Variants in B3GAT1 observed in about 807,000 individuals in gnomAD.
B3GAT1 encodes the protein galactosylgalactosylxylosylprotein 3-beta-glucuronosyltransferase 1.
Under a neutral mutation model 28.4 loss-of-function variants are expected in B3GAT1, and 11 were observed. The observed-to-expected ratio is 0.39, with a 90% CI of 0.24 to 0.64. The LOEUF (loss-of-function observed/expected upper bound fraction) is 0.64, where lower values mean the gene tolerates loss of function less well. Among genes scored for constraint, B3GAT1 ranks in the 30% least tolerant of loss-of-function variants. B3GAT1 has a pLI of 0.50. For missense variants in B3GAT1, 375 were observed against 491.0 expected, an observed-to-expected ratio of 0.76 and a Z score of 2.23; for synonymous variants, 255 against 223.1, an observed-to-expected ratio of 1.14 and a Z score of -1.27.
At chr11:134,402,557 G>A (rs7945585) in intron 1 of B3GAT1, among the ~76,000 whole-genome samples, 23,678 of 151,990 alleles carry the variant, frequency 0.16, 2,114 homozygotes, top group African/African-American at 0.25. Flanking sequence ...TGCCCCTAAG[G>A]TCCCTCCCTC....
chr11:134,401,291 G>C (rs937547947), intron 1 of B3GAT1, among the ~76,000 whole-genome samples: 1 of 152,158 alleles, frequency 6.6e-6, no homozygotes, highest in African/African-American at 2.4e-5. Context: ...CATGTTTATC[G>C]CAGCACTATT....
At chr11:134,406,009 CT>C (rs1344769746) in intron 1 of B3GAT1, among the ~76,000 whole-genome samples, 2 of 152,246 alleles carry the variant, frequency 1.3e-5, no homozygotes, top group Non-Finnish European at 2.9e-5. Flanking sequence ...TCATGCAGCC[CT>C]GTCCCTCCTG....
intron 1 of B3GAT1, chr11:134,388,278 C>T (rs536707664): frequency 4.5e-6 from 1 of 222,674 alleles, no homozygotes; most frequent in African/African-American, 2.2e-5. Context: ...CCACAGTTTT[C>T]CCATCTATAA....
intron 5 of B3GAT1, among the ~76,000 whole-genome samples, chr11:134,381,103 G>A (rs973133177): frequency 2.6e-5 from 4 of 152,170 alleles, no homozygotes; most frequent in Non-Finnish European, 4.4e-5. Flanking sequence ...AGGGAGTCAG[G>A]AGTACCAGCT....
At chr11:134,396,295 T>A (rs940613884) in intron 1 of B3GAT1, among the ~76,000 whole-genome samples, 3 of 151,994 alleles carry the variant, frequency 2.0e-5, no homozygotes, top group African/African-American at 7.2e-5. Flanking sequence ...CCAAGGCAGA[T>A]GGGCCATGTC....
intron 5 of B3GAT1, among the ~76,000 whole-genome samples, chr11:134,380,953 A>G (rs766370715): frequency 6.6e-6 from 1 of 152,168 alleles, no homozygotes; most frequent in Non-Finnish European, 1.5e-5. Context: ...ATGCATTCTA[A>G]GTGGCGCTGG....
At chr11:134,403,985 A>C (rs1332175115) in intron 1 of B3GAT1, among the ~76,000 whole-genome samples, 1 of 16,600 alleles carries the variant, frequency 6.0e-5, no homozygotes, top group Non-Finnish European at 1.4e-4. Flanking sequence ...TTCTTTCTTT[A>C]TATATATATA....
In B3GAT1 at chr11:134,383,668, GC is replaced by G. The variant is rs756993387; in HGVS notation, c.621+11del. On this transcript the variant is annotated intron_variant, in intron 3 of 5. Transcript: ENST00000312527. ...CGGAGGTCCCGCTGCTCACTGTCGG[GC>G]CCTCCCTCACCTCTTCGAAGAGCTC... 9 of 1,545,652 alleles carry G rather than the reference GC, an allele frequency of 5.8e-6. No individual in the cohort carries two copies. In the East Asian group the frequency reaches 1.6e-4, roughly 28 times the overall value.
At position 134,393,647 on chromosome 11, in the gene B3GAT1, G is replaced by A. The variant is rs1195155310; in HGVS notation, c.-281-5707C>T. Among the ~76,000 whole-genome samples the A allele has an allele frequency of 1.3e-5, 2 of 152,220 alleles. No individual in the cohort carries two copies. The highest frequency in any genetic ancestry group is 2.9e-5 in the Non-Finnish European group (2 of 68,044). On this transcript the variant is annotated intron_variant, in intron 1 of 5. Coordinates refer to ENST00000312527, the MANE Select transcript of B3GAT1 (RefSeq NM_054025.3). This position sits in a 1 kb window ranked among gnomAD's most constrained non-coding sequence, Gnocchi z 4.0. ...AACACGCTATTTCAACAGTTTACAT[G>A]ACATTCTGTGATGACAGTAGCAAGC...
intron 2 of B3GAT1, chr11:134,387,112 C>G (rs1565451558): frequency 5.2e-6 from 1 of 192,176 alleles, no homozygotes; most frequent in Admixed American, 5.3e-5. Context: ...CAATTCTGGG[C>G]CAGCTCAGCT....
rs745343809 is a variant in B3GAT1, at chr11:134,384,136, C to G, written c.165G>C (p.Glu55Asp). 6.3e-7 allele frequency: 1 copy of G among 1,576,272 alleles called. No individual in the cohort carries two copies. The highest frequency in any genetic ancestry group is 1.7e-5 in the Admixed American group (1 of 59,184). The change falls in exon 3 of 6, where the codon GAG (glutamate) becomes GAC (aspartate). Residue 55 changes from glutamate (E) to aspartate (D), a missense_variant. Physicochemically the swap from Glu to Asp is conservative, Grantham distance 45. Transcript: ENST00000312527. Reference protein sequence around the residue: ...RETPPGADPREYCTSDRDIVE... With the variant: ...RETPPGADPRDYCTSDRDIVE... ...CGATGTCGCGGTCAGACGTGCAGTA[C>G]TCCCTGGGGTCGGCGCCGGGCGGCG...
At chr11:134,383,564 G>T in intron 3 of B3GAT1, 116 bp downstream of exon 3, 1 of 1,353,826 alleles carries the variant, frequency 7.4e-7, no homozygotes, top group Non-Finnish European at 9.7e-7. Flanking sequence ...CCCGCTCCCA[G>T]CCCGGCTTCC....
intron 5 of B3GAT1, chr11:134,381,582 A>G (rs1372707444): frequency 1.2e-5 from 3 of 250,204 alleles, no homozygotes; most frequent in Non-Finnish European, 2.4e-5. Context: ...GGGAAGAGGC[A>G]GACTTGGGGG....
Position 134,383,692 on chromosome 11 carries a change from C to A in B3GAT1, c.609G>T (p.Glu203Asp), listed in dbSNP as rs1201917186. Residue 203 changes from glutamate to aspartate, a missense_variant, in exon 3 of 6, where the codon GAG (glutamate) becomes GAT (aspartate). Transcript: ENST00000312527. ...GGCCCTCCCTCACCTCTTCGAAGAG[C>A]TCCAGGCTGTAGGTGTTGTCGTCGT... is the stretch of plus-strand genomic sequence containing the variant. ...FADDDNTYSLELFEEMRSTRR... is the reference protein window; with the variant it reads ...FADDDNTYSLDLFEEMRSTRR... The A allele has an allele frequency of 6.3e-7, 1 of 1,580,246 alleles. No individual in the cohort carries two copies. Among genetic ancestry groups the A allele is most frequent in the Non-Finnish European group, 8.6e-7 (1 of 1,158,624 alleles).
At chr11:134,403,035 G>A (rs142456532) in intron 1 of B3GAT1, among the ~76,000 whole-genome samples, 282 of 152,236 alleles carry the variant, frequency 1.9e-3, no homozygotes, top group African/African-American at 6.4e-3. Context: ...ATGATCCCGC[G>A]GTCCTCAGTC....
chr11:134,401,749 T>A (rs775170700), intron 1 of B3GAT1, among the ~76,000 whole-genome samples: 7 of 151,506 alleles, frequency 4.6e-5, no homozygotes, highest in Non-Finnish European at 8.8e-5. Flanking sequence ...TTATAAAAAA[T>A]TTAAAAAAAA....
intron 1 of B3GAT1, among the ~76,000 whole-genome samples, chr11:134,405,483 C>T (rs1944714395): frequency 6.6e-6 from 1 of 152,232 alleles, no homozygotes; most frequent in South Asian, 2.1e-4. Flanking sequence ...AATTTGCCGC[C>T]TGTGGCCTGA....
chr11:134,403,702 GATAAAGAAA>G (rs1194832787), intron 1 of B3GAT1, among the ~76,000 whole-genome samples: 1 of 152,024 alleles, frequency 6.6e-6, no homozygotes, highest in African/African-American at 2.4e-5. Flanking sequence ...CAGATGACTG[GATAAAGAAA>G]ATAAAGAAAA....
rs1944086912 is a variant in B3GAT1, at chr11:134,379,901, G to A, written c.*861C>T. On this transcript the variant is annotated 3_prime_UTR_variant, in exon 6 of 6. Coordinates refer to ENST00000312527, the MANE Select transcript of B3GAT1 (RefSeq NM_054025.3). The stretch of plus-strand genomic sequence containing the variant: ...TCCCTCCCCAGTCCAGTCCAGGCGA[G>A]GGGCCTAGCAGCCGAGGTGGGCGGT... The A allele has an allele frequency of 6.5e-6, 1 of 153,044 alleles. No homozygotes were observed. The highest frequency in any genetic ancestry group is 6.5e-5 in the Admixed American group (1 of 15,292). The allele number at this position is 153,044 out of a possible 1,614,324, so 9.5% of individuals were successfully genotyped here. A position where few individuals can be genotyped will look rare whatever the true frequency, so the allele number is the denominator to read the frequency against.
Sources: gnomAD v4.1 joint callset for allele counts (sites outside exome capture counted in the v4.1 genomes callset) on GRCh38, gnomAD v4.1.1 for gene constraint, Gnocchi (gnomAD v3.1) non-coding constraint, MANE v1.5 for transcripts, NCBI Gene and HGNC (gene_info 2026-07-23, HGNC 2026-07-21) for gene names.